The following MIB1 variants were observed in gnomAD, a reference collection of about 807,000 sequenced individuals.
MIB1 encodes MIB E3 ubiquitin protein ligase 1, also known as E3 ubiquitin-protein ligase MIB1.
In MIB1, 278 loss-of-function variants were observed where a neutral mutation model predicts 124.5. That is an observed-to-expected ratio of 2.23 (90% CI 2.02 to 2.47). The LOEUF (loss-of-function observed/expected upper bound fraction) is 2.47, where lower values mean the gene tolerates loss of function less well. Ranked by LOEUF, MIB1 falls within the 30% of genes most tolerant of loss-of-function variation. The pLI, the probability that MIB1 is intolerant of heterozygous loss-of-function variation, is 0.00. For synonymous variants in MIB1, 446 were observed against 429.4 expected (o/e 1.04, Z -0.48); for missense variants, 957 against 1,254.4 (o/e 0.76, Z 3.58).
chr18:21,822,688 C>G (rs1264419146), intron 12 of MIB1, among the ~76,000 whole-genome samples: 2 of 78,334 alleles, frequency 2.6e-5, no homozygotes, highest in Non-Finnish European at 5.1e-5. Context: ...TATCAAATTT[C>G]TTTTTCTTAA....
chr18:21,813,515 C>T lies in MIB1; in HGVS notation c.1480-2101C>T, dbSNP rs560722417. Reference sequence around the variant, plus strand: ...TGTGGTTGTTTGCCAGTTCCTTTCTCAAAATTGATACGTAACAAAAACTGA... The same window carrying T: ...TGTGGTTGTTTGCCAGTTCCTTTCTTAAAATTGATACGTAACAAAAACTGA... On this transcript the variant is annotated intron_variant, in intron 10 of 20. Coordinates refer to ENST00000261537, the MANE Select transcript of MIB1 (RefSeq NM_020774.4). 2.6e-5 allele frequency among the ~76,000 whole-genome samples: 4 copies of T among 152,174 alleles called. No individual in the cohort carries two copies. In the South Asian group the frequency reaches 8.3e-4, roughly 32 times the overall value.
At chr18:21,793,324 A>T (rs1229068420) in intron 7 of MIB1, among the ~76,000 whole-genome samples, 2 of 152,222 alleles carry the variant, frequency 1.3e-5, no homozygotes, top group Non-Finnish European at 2.9e-5. Context: ...CCTCACTTTG[A>T]GGAGAAAGTG....
At position 21,724,712 on chromosome 18, in the gene MIB1, C is replaced by CAA. The variant is rs1193584277; in HGVS notation, n.167+19604_167+19605dup. Among the ~76,000 whole-genome samples the CAA allele has an allele frequency of 6.6e-3, 137 of 20,736 alleles. 17 individuals are homozygous for CAA. The highest frequency in any genetic ancestry group is 0.017 in the African/African-American group (51 of 3,002). 13.6% of individuals were successfully genotyped at this position (20,736 alleles called of 152,430 possible). On this transcript the variant is annotated intron_variant and non_coding_transcript_variant, in intron 1 of 20. Transcript: ENST00000578646. Reference sequence around the variant, plus strand: ...AGAGCAAAACTCTGTCTCCCCCATCCAAAAAAAAAAAAAAAATATATATAT... The same window carrying CAA: ...AGAGCAAAACTCTGTCTCCCCCATCCAAAAAAAAAAAAAAAAAATATATATAT...
intron 6 of MIB1, among the ~76,000 whole-genome samples, chr18:21,784,287 TC>T (rs138865897): frequency 0.092 from 14,018 of 151,974 alleles, 704 homozygotes; most frequent in Middle Eastern, 0.15. Context: ...GACCTCGTAA[TC>T]CGCCCTCCTC....
chr18:21,867,421 C>A lies in MIB1; in HGVS notation c.*2755C>A, dbSNP rs1446429878. 6.6e-6 allele frequency: 1 copy of A among 152,508 alleles called. No individual in the cohort carries two copies. The highest frequency in any genetic ancestry group is 6.6e-5 in the Admixed American group (1 of 15,260). The allele number at this position is 152,508 out of a possible 1,614,324, so 9.4% of individuals were successfully genotyped here. On this transcript the variant is annotated 3_prime_UTR_variant, in exon 21 of 21. Coordinates refer to ENST00000261537, the MANE Select transcript of MIB1 (RefSeq NM_020774.4). ...ATACAACATACCAGATGGTGCTGTT[C>A]TAATGGTATTTGTTCACGTAATTTA...
chr18:21,759,092 G>T (rs560419008), intron 1 of MIB1, among the ~76,000 whole-genome samples: 1 of 151,580 alleles, frequency 6.6e-6, no homozygotes, highest in Admixed American at 6.6e-5. Flanking sequence ...TCCCCTCCTC[G>T]CCTAAGGTAA....
chr18:21,713,074 C>G (rs1284657582), intron 1 of MIB1, among the ~76,000 whole-genome samples: 1 of 152,138 alleles, frequency 6.6e-6, no homozygotes, highest in Non-Finnish European at 1.5e-5. Context: ...CCTCCCCACT[C>G]AGCCTCCTGA....
intron 15 of MIB1, among the ~76,000 whole-genome samples, chr18:21,844,867 T>C (rs1325594950): frequency 6.6e-6 from 1 of 152,256 alleles, no homozygotes; most frequent in Non-Finnish European, 1.5e-5. Context: ...TTATGAAGTG[T>C]CTGCTCAAAT....
chr18:21,765,867 T>C lies in MIB1; in HGVS notation c.325T>C (p.Cys109Arg). Residue 109 changes from cysteine to arginine, a missense_variant, in exon 2 of 21, where the codon TGC becomes CGC. Coordinates refer to ENST00000261537, the MANE Select transcript of MIB1 (RefSeq NM_020774.4). ...KCAECTNYDL[C>R]TVCYHGDKHH... is the part of the protein sequence containing the mutation. ...TGCAGAGTGTACAAATTATGATTTG[T>C]GCACAGTGTGTTATCATGGAGATAA... is the stretch of plus-strand genomic sequence containing the variant. 1 of 1,614,168 alleles carries C rather than the reference T, an allele frequency of 6.2e-7. No individual in the cohort carries two copies.
At chr18:21,734,494 C>CTT (rs1568178816) in intron 1 of MIB1, among the ~76,000 whole-genome samples, 2 of 64,080 alleles carry the variant, frequency 3.1e-5, no homozygotes, top group Admixed American at 2.0e-4. Context: ...CTCTCTCTCT[C>CTT]TCTTTCTTTC....
intron 1 of MIB1, among the ~76,000 whole-genome samples, chr18:21,734,826 G>T (rs574344785): frequency 2.3e-4 from 35 of 152,292 alleles, no homozygotes; most frequent in South Asian, 4.1e-4. Flanking sequence ...ACCGCTCCCA[G>T]CCAGGGACTC....
chr18:21,849,892 TGTTGTTTAACTTG>T (rs2042167166), intron 17 of MIB1, among the ~76,000 whole-genome samples: 1 of 152,148 alleles, frequency 6.6e-6, no homozygotes, highest in South Asian at 2.1e-4. Flanking sequence ...TCTATCGTGG[TGTTGTTTAACTTG>T]CTATCTTCTG....
rs1259014014 is a variant in MIB1, at chr18:21,740,881, A to T, written c.-703A>T. ...TCTCTGGAAGCCTTCCCACTCTATTATTGCCGAGGATCCCCCTCCTAGACA... is the reference window on the plus strand; with the variant it reads ...TCTCTGGAAGCCTTCCCACTCTATTTTTGCCGAGGATCCCCCTCCTAGACA... On this transcript the variant is annotated 5_prime_UTR_variant, in exon 1 of 21. Transcript: ENST00000261537. Among the ~76,000 whole-genome samples, 2 of 152,162 alleles carry T rather than the reference A, an allele frequency of 1.3e-5. No homozygotes were observed. Among genetic ancestry groups the T allele is most frequent in the African/African-American group, 4.8e-5 (2 of 41,460 alleles).
intron 1 of MIB1, among the ~76,000 whole-genome samples, chr18:21,742,015 CAAGGGA>C (rs1043908570): frequency 1.3e-5 from 2 of 152,156 alleles, no homozygotes; most frequent in African/African-American, 4.8e-5. Context: ...CCTCTACCCC[CAAGGGA>C]AATGATGGCA....
intron 13 of MIB1, 135 bp downstream of exon 13, chr18:21,838,632 C>A: frequency 1.6e-6 from 1 of 630,264 alleles, no homozygotes; most frequent in Non-Finnish European, 2.6e-6. Context: ...GATGAAAATT[C>A]AGATATAATG....
chr18:21,854,260 TAGTAAATA>T (rs1357310755), intron 18 of MIB1, among the ~76,000 whole-genome samples: 5 of 152,148 alleles, frequency 3.3e-5, no homozygotes, highest in South Asian at 2.1e-4. Context: ...AAGGGTGAAA[TAGTAAATA>T]TTTTTGGCTT....
At chr18:21,773,195 C>T (rs557382113) in intron 3 of MIB1, among the ~76,000 whole-genome samples, 21 of 152,130 alleles carry the variant, frequency 1.4e-4, no homozygotes, top group African/African-American at 3.6e-4. Flanking sequence ...ACCCGGGAGG[C>T]GGAGGTTGCA....
chr18:21,804,031 A>C lies in MIB1; in HGVS notation c.1479+17A>C. On this transcript the variant is annotated intron_variant, in intron 10 of 20. Coordinates refer to ENST00000261537, the MANE Select transcript of MIB1 (RefSeq NM_020774.4). ...GAAGCAGAGGTAAGTAAACTTGAAA[A>C]ATATTTTAAGTAAACATTTATTTCC... is the stretch of plus-strand genomic sequence containing the variant. 1.3e-6 allele frequency: 2 copies of C among 1,535,868 alleles called. No individual in the cohort carries two copies. Among genetic ancestry groups the C allele is most frequent in the Non-Finnish European group, 1.8e-6 (2 of 1,110,592 alleles).
chr18:21,725,149 A>G (rs2040735869), intron 1 of MIB1, among the ~76,000 whole-genome samples: 3 of 151,572 alleles, frequency 2.0e-5, no homozygotes, highest in South Asian at 2.1e-4. Flanking sequence ...TTAATAAACC[A>G]TTGTGACCCC....
Sources: allele counts gnomAD v4.1 joint callset (sites outside exome capture counted in the v4.1 genomes callset), GRCh38; gene constraint gnomAD v4.1.1; transcripts MANE v1.5; gene names NCBI Gene and HGNC (gene_info 2026-07-23, HGNC 2026-07-21).